The following SPMAP2 variants were observed in gnomAD, a reference collection of about 807,000 sequenced individuals.
SPMAP2 encodes the protein sperm microtubule associated protein 2.
the SPMAP2 span, among the ~76,000 whole-genome samples, chr19:366,635 C>T: frequency 6.6e-6 from 1 of 152,160 alleles, no homozygotes; most frequent in African/African-American, 2.4e-5. Flanking sequence ...GAGCTGCTCC[C>T]AATCTACAAC....
At chr19:363,824 C>T in the SPMAP2 span, among the ~76,000 whole-genome samples, 10 of 152,062 alleles carry the variant, frequency 6.6e-5, no homozygotes, top group South Asian at 2.1e-4. Flanking sequence ...TGTGGGCCAC[C>T]GTGCCCGGCC....
At chr19:372,089 A>G in the SPMAP2 span, among the ~76,000 whole-genome samples, 1 of 152,248 alleles carries the variant, frequency 6.6e-6, no homozygotes, top group African/African-American at 2.4e-5. Context: ...TGCGACACCC[A>G]CATCAACGTC....
At chr19:372,805 G>C in the SPMAP2 span, 1 of 1,095,376 alleles carries the variant, frequency 9.1e-7, no homozygotes. Flanking sequence ...TTGGGCAGGA[G>C]GCTGAATTGG....
chr19:374,498 C>G, the SPMAP2 span: 1 of 1,586,128 alleles, frequency 6.3e-7, no homozygotes, highest in African/African-American at 1.3e-5. Flanking sequence ...AAGCGTGGGT[C>G]TTGCTCAAGC....
the SPMAP2 span, chr19:367,374 A>G: frequency 6.6e-6 from 5 of 759,240 alleles, no homozygotes. Context: ...AGGATTAGTA[A>G]CTATCACGCA....
the SPMAP2 span, chr19:367,143 T>C: frequency 1.2e-6 from 2 of 1,612,714 alleles, no homozygotes; most frequent in African/African-American, 2.7e-5. Flanking sequence ...TCCAAGAGGG[T>C]GGCTGGGGCC....
the SPMAP2 span, chr19:362,248 G>A: frequency 6.3e-7 from 1 of 1,576,918 alleles, no homozygotes; most frequent in Non-Finnish European, 8.6e-7. Flanking sequence ...ATGCTTTTGG[G>A]GGTGGCAAGC....
At chr19:371,779 G>A in the SPMAP2 span, among the ~76,000 whole-genome samples, 3 of 152,314 alleles carry the variant, frequency 2.0e-5, no homozygotes, top group Non-Finnish European at 1.5e-5. Flanking sequence ...CTGAGCTCCC[G>A]GGGCTGTGCC....
the SPMAP2 span, chr19:372,713 G>A: frequency 1.2e-6 from 2 of 1,613,930 alleles, no homozygotes; most frequent in Non-Finnish European, 1.7e-6. Flanking sequence ...ATGCAAAATG[G>A]GAAACGGAGT....
At chr19:373,518 A>G in the SPMAP2 span, 111 of 1,613,304 alleles carry the variant, frequency 6.9e-5, no homozygotes, top group Non-Finnish European at 8.8e-5. Context: ...CGCTCGGTCC[A>G]GTACACAGAG....
chr19:374,870 G>A, the SPMAP2 span, among the ~76,000 whole-genome samples: 2 of 152,264 alleles, frequency 1.3e-5, no homozygotes, highest in Non-Finnish European at 2.9e-5. Flanking sequence ...CAGGCAGCAG[G>A]TGAAGATGCC....
chr19:374,195 C>G, the SPMAP2 span: 1 of 1,551,008 alleles, frequency 6.4e-7, no homozygotes, highest in Non-Finnish European at 8.8e-7. Context: ...GTGGTGGCAG[C>G]TGGGGGAGGG....
the SPMAP2 span, chr19:375,597 C>T: frequency 4.9e-6 from 7 of 1,426,962 alleles, no homozygotes; most frequent in South Asian, 3.0e-5. Flanking sequence ...CTGCTGCCCT[C>T]CCCCCACTGC....
chr19:372,760 G>A, the SPMAP2 span: 2 of 1,536,362 alleles, frequency 1.3e-6, no homozygotes, highest in East Asian at 2.3e-5. Flanking sequence ...CAGTTCCCAG[G>A]GGCTTCTGCA....
chr19:370,659 C>A, the SPMAP2 span, among the ~76,000 whole-genome samples: 1 of 152,178 alleles, frequency 6.6e-6, no homozygotes, highest in Non-Finnish European at 1.5e-5. Context: ...GTATTCACAT[C>A]AGTTTTATCG....
At chr19:364,357 GAAAGAAAAAA>G in the SPMAP2 span, among the ~76,000 whole-genome samples, 31 of 135,260 alleles carry the variant, frequency 2.3e-4, no homozygotes, top group Admixed American at 8.1e-4. Context: ...AAAAAAAAAA[GAAAGAAAAAA>G]AAAGAAAAAA....
At chr19:372,533 A>T in the SPMAP2 span, 1 of 1,257,392 alleles carries the variant, frequency 8.0e-7, no homozygotes, top group Non-Finnish European at 1.2e-6. Context: ...TAGGGCTAGG[A>T]CCTGGACCCT....
At chr19:362,942 G>A in the SPMAP2 span, among the ~76,000 whole-genome samples, 60 of 152,174 alleles carry the variant, frequency 3.9e-4, no homozygotes, top group African/African-American at 1.3e-3. Context: ...CATGTGCTGC[G>A]AGAGACCAGA....
chr19:368,007 C>T, the SPMAP2 span, among the ~76,000 whole-genome samples: 1 of 152,158 alleles, frequency 6.6e-6, no homozygotes, highest in African/African-American at 2.4e-5. The surrounding 1 kb of genome is among the most constrained non-coding windows in gnomAD (Gnocchi z 4.1). Context: ...TGGGGCAGTG[C>T]TGGCCGAGGC....
Sources: gnomAD v4.1 joint callset for allele counts (sites outside exome capture counted in the v4.1 genomes callset) on GRCh38, gnomAD v4.1.1 for gene constraint, Gnocchi (gnomAD v3.1) non-coding constraint, MANE v1.5 for transcripts, NCBI Gene and HGNC (gene_info 2026-07-23, HGNC 2026-07-21) for gene names.